The following RANBP2 variants were observed in gnomAD, a reference collection of about 807,000 sequenced individuals.
RANBP2 encodes the protein E3 SUMO-protein ligase RanBP2.
RANBP2 carries 57 observed loss-of-function variants against 303.6 expected under a neutral mutation model. That is an observed-to-expected ratio of 0.19 (90% CI 0.15 to 0.23). RANBP2 has a LOEUF of 0.23. Ranked by LOEUF, RANBP2 falls within the 10% of genes least tolerant of loss-of-function variation. The pLI, the probability that RANBP2 is intolerant of heterozygous loss-of-function variation, is 1.00. For missense variants in RANBP2, 3,138 were observed against 3,780.8 expected (o/e 0.83, Z 4.46); for synonymous variants, 1,167 against 1,301.5 (o/e 0.90, Z 2.23).
the RANBP2 span, among the ~76,000 whole-genome samples, chr2:108,886,949 C>T: frequency 6.6e-6 from 1 of 152,138 alleles, no homozygotes; most frequent in Non-Finnish European, 1.5e-5. Flanking sequence ...TTTGAGGTCT[C>T]AGTCATAAAT....
At position 108,736,205 on chromosome 2, in the gene RANBP2, G is replaced by A. The variant is rs776623419; in HGVS notation, c.738G>A (p.Thr246=). 9 of 1,611,922 alleles carry A rather than the reference G, an allele frequency of 5.6e-6. No homozygotes were observed. The highest frequency in any genetic ancestry group is 1.1e-5 in the South Asian group (1 of 90,988). The change falls in exon 6 of 29, where the codon ACG becomes ACA. Residue 246 remains threonine (T), a synonymous_variant. Transcript: ENST00000283195. ...LLAYANLMLL[T]LSTRDVQESR... is the part of the protein sequence containing the mutation. ...CCTATGCTAATCTTATGCTTCTTAC[G>A]CTTTCCACTAGAGATGTGCAGGAAA...
chr2:109,125,559 G>C, the RANBP2 span, among the ~76,000 whole-genome samples: 1 of 152,100 alleles, frequency 6.6e-6, no homozygotes, highest in Non-Finnish European at 1.5e-5. Context: ...AGGTACAATG[G>C]GATTATTTTT....
chr2:109,614,121 G>A, the RANBP2 span: 12 of 1,207,070 alleles, frequency 9.9e-6, no homozygotes, highest in Middle Eastern at 3.2e-4. Context: ...CGGGCTGAAG[G>A]AGAGCTGGGA....
the RANBP2 span, among the ~76,000 whole-genome samples, chr2:108,971,628 A>G: frequency 6.6e-6 from 1 of 152,186 alleles, no homozygotes; most frequent in African/African-American, 2.4e-5. Flanking sequence ...TAGAGATAGG[A>G]TCAGCTCTCT....
the RANBP2 span, among the ~76,000 whole-genome samples, chr2:109,148,269 A>G: frequency 1.2e-4 from 19 of 152,236 alleles, no homozygotes; most frequent in Non-Finnish European, 2.6e-4. Flanking sequence ...GGCCCCGATC[A>G]TGCCACATGA....
the RANBP2 span, among the ~76,000 whole-genome samples, chr2:109,225,601 C>G: frequency 2.6e-5 from 4 of 152,182 alleles, no homozygotes; most frequent in East Asian, 7.7e-4. Flanking sequence ...TCTGGGACTT[C>G]CCATTTGCAA....
the RANBP2 span, among the ~76,000 whole-genome samples, chr2:108,811,526 AGCTACT>A: frequency 1.3e-5 from 2 of 151,992 alleles, no homozygotes; most frequent in Admixed American, 1.3e-4. Flanking sequence ...TACAGGTGTG[AGCTACT>A]GCACTCAGCC....
At chr2:108,829,661 G>A in the RANBP2 span, among the ~76,000 whole-genome samples, 10 of 152,180 alleles carry the variant, frequency 6.6e-5, no homozygotes, top group African/African-American at 2.4e-4. Flanking sequence ...CATGGGAATC[G>A]CTTGAACCTG....
At chr2:109,325,645 A>G in the RANBP2 span, among the ~76,000 whole-genome samples, 1 of 152,228 alleles carries the variant, frequency 6.6e-6, no homozygotes, top group South Asian at 2.1e-4. Context: ...AGCCTGTTCC[A>G]TTCTCAGCAC....
the RANBP2 span, among the ~76,000 whole-genome samples, chr2:109,140,590 C>G: frequency 1.3e-5 from 2 of 151,954 alleles, no homozygotes; most frequent in Non-Finnish European, 2.9e-5. Flanking sequence ...ACCATGTTAA[C>G]CAGGATGGTC....
downstream of RANBP2, among the ~76,000 whole-genome samples, chr2:108,788,283 G>A (rs972839928): frequency 5.3e-5 from 8 of 152,078 alleles, no homozygotes; most frequent in Non-Finnish European, 1.2e-4. Flanking sequence ...AGCCGAGCAT[G>A]GTGGCGGGCG....
the RANBP2 span, among the ~76,000 whole-genome samples, chr2:108,982,592 C>T: frequency 1.3e-5 from 2 of 152,214 alleles, no homozygotes; most frequent in Non-Finnish European, 1.5e-5. Flanking sequence ...TATTCTCCAG[C>T]GCCATTTCCC....
the RANBP2 span, chr2:109,490,862 C>T: frequency 6.0e-4 from 924 of 1,535,620 alleles, 3 homozygotes; most frequent in African/African-American, 0.011. Flanking sequence ...ATCTAAACTT[C>T]ACATCTCCTT....
chr2:109,196,117 A>T, the RANBP2 span, among the ~76,000 whole-genome samples: 1 of 152,152 alleles, frequency 6.6e-6, no homozygotes, highest in African/African-American at 2.4e-5. Context: ...GGGACGAGGG[A>T]CAGAAGCCGG....
chr2:109,253,155 G>A, the RANBP2 span, among the ~76,000 whole-genome samples: 1 of 152,066 alleles, frequency 6.6e-6, no homozygotes, highest in Non-Finnish European at 1.5e-5. Context: ...AGCCTTCTGA[G>A]TAGCTGGGAT....
At chr2:108,740,032 A>G (rs1210898495) in intron 6 of RANBP2, among the ~76,000 whole-genome samples, 1 of 152,240 alleles carries the variant, frequency 6.6e-6, no homozygotes, top group Non-Finnish European at 1.5e-5. Context: ...AATGATCTAT[A>G]TAGTAAAAAG....
At chr2:109,394,068 G>A in the RANBP2 span, among the ~76,000 whole-genome samples, 53 of 152,208 alleles carry the variant, frequency 3.5e-4, no homozygotes, top group African/African-American at 1.3e-3. Context: ...CCCACCCTCG[G>A]ACGCAGCCAC....
chr2:108,888,926 G>A, the RANBP2 span, among the ~76,000 whole-genome samples: 1 of 151,764 alleles, frequency 6.6e-6, no homozygotes. Flanking sequence ...TTTTTTTGAT[G>A]TAGGCGTTTA....
chr2:109,590,961 A>G, the RANBP2 span, among the ~76,000 whole-genome samples: 1 of 152,220 alleles, frequency 6.6e-6, no homozygotes, highest in Non-Finnish European at 1.5e-5. Context: ...TGAAACCCAG[A>G]GCAGAGAAGG....
Sources: allele counts gnomAD v4.1 joint callset (sites outside exome capture counted in the v4.1 genomes callset), GRCh38; gene constraint gnomAD v4.1.1; transcripts MANE v1.5; gene names NCBI Gene and HGNC (gene_info 2026-07-23, HGNC 2026-07-21).